LEF1: variants seen among roughly 807,000 people sequenced by gnomAD.
The protein encoded by LEF1 is lymphoid enhancer-binding factor 1.
Under a neutral mutation model 51.2 loss-of-function variants are expected in LEF1, and 14 were observed. The ratio of observed to expected loss-of-function variants is 0.27; its 90% CI spans 0.18 to 0.43. LEF1 has a LOEUF of 0.43. Among genes scored for constraint, LEF1 ranks in the 20% least tolerant of loss-of-function variants. LEF1 has a pLI of 1.00. For missense variants in LEF1, 386 were observed against 512.0 expected (o/e 0.75, Z 2.37); for synonymous variants, 185 against 183.2 (o/e 1.01, Z -0.08).
intron 3 of LEF1, among the ~76,000 whole-genome samples, chr4:108,138,176 T>C (rs1287099053): frequency 6.6e-6 from 1 of 152,214 alleles, no homozygotes; most frequent in African/African-American, 2.4e-5. Flanking sequence ...TGGTCAAATG[T>C]GGAATTTCGA....
In LEF1 at chr4:108,047,898, A is replaced by C. The variant is rs1285569624; in HGVS notation, c.*860T>G. The C allele has an allele frequency of 6.6e-6, 1 of 152,660 alleles. No homozygotes were observed. The highest frequency in any genetic ancestry group is 2.4e-5 in the African/African-American group (1 of 41,472). The allele number at this position is 152,660 out of a possible 1,614,324, so 9.5% of individuals were successfully genotyped here. ...TAAAAAAAGAAAAGAAGAAAACAGA[A>C]GAAAAAATAAACTGAAATAGGGCTG... On this transcript the variant is annotated 3_prime_UTR_variant, in exon 12 of 12. Coordinates refer to ENST00000265165, the MANE Select transcript of LEF1 (RefSeq NM_016269.5).
At chr4:108,089,099 G>A (rs1739837480) in intron 4 of LEF1, 26 bp downstream of exon 4, 4 of 1,611,334 alleles carry the variant, frequency 2.5e-6, no homozygotes, top group Non-Finnish European at 3.4e-6. Flanking sequence ...CAAAAAAAAA[G>A]GGCCTGGAAA....
chr4:108,086,114 A>G (rs554036480), intron 4 of LEF1, among the ~76,000 whole-genome samples: 8 of 152,260 alleles, frequency 5.3e-5, no homozygotes, highest in Non-Finnish European at 1.2e-4. Flanking sequence ...GTGAGCAGAA[A>G]GTGGATCTGA....
chr4:108,048,336 CCAGTTG>C lies in LEF1; in HGVS notation c.*416_*421del. The C allele has an allele frequency of 5.4e-6, 1 of 183,532 alleles. No individual in the cohort carries two copies. The highest frequency in any genetic ancestry group is 2.0e-4 in the South Asian group (1 of 5,110). The allele number at this position is 183,532 out of a possible 1,614,324, so 11.4% of individuals were successfully genotyped here. A position where few individuals can be genotyped will look rare whatever the true frequency, so the allele number is the denominator to read the frequency against. Reference sequence around the variant, plus strand: ...CTGATGGATGTGCTGGTTGCTGGCTCCAGTTGCGCATGACAGGCAAATGCAGCCAAG... The same window carrying C: ...CTGATGGATGTGCTGGTTGCTGGCTCCGCATGACAGGCAAATGCAGCCAAG... On this transcript the variant is annotated 3_prime_UTR_variant, in exon 12 of 12. Transcript: ENST00000265165.
intron 11 of LEF1, among the ~76,000 whole-genome samples, chr4:108,052,623 C>T (rs1333282786): frequency 6.6e-6 from 1 of 152,124 alleles, no homozygotes; most frequent in Non-Finnish European, 1.5e-5. Flanking sequence ...ACTTCTACAG[C>T]AGGAAGCAAG....
intron 3 of LEF1, among the ~76,000 whole-genome samples, chr4:108,153,056 C>T (rs933618014): frequency 2.6e-5 from 4 of 152,248 alleles, no homozygotes; most frequent in African/African-American, 9.6e-5. Flanking sequence ...TCCTCCCTAG[C>T]TTGGTCACTA....
intron 3 of LEF1, among the ~76,000 whole-genome samples, chr4:108,162,655 C>T (rs572915620): frequency 1.1e-4 from 16 of 152,156 alleles, no homozygotes; most frequent in African/African-American, 1.9e-4. Flanking sequence ...CCCTAATCCC[C>T]GAGACCCATA....
At chr4:108,085,067 C>A (rs1458449562) in intron 4 of LEF1, among the ~76,000 whole-genome samples, 1 of 152,116 alleles carries the variant, frequency 6.6e-6, no homozygotes, top group African/African-American at 2.4e-5. Flanking sequence ...CACAGACTAT[C>A]TGAATTATCT....
At chr4:108,049,559 G>T (rs138556226) in intron 11 of LEF1, among the ~76,000 whole-genome samples, 1 of 152,302 alleles carries the variant, frequency 6.6e-6, no homozygotes, top group Non-Finnish European at 1.5e-5. Context: ...TCACTCCAGA[G>T]AGCACCTGCT....
At chr4:108,067,226 G>T (rs1355751303) in intron 9 of LEF1, among the ~76,000 whole-genome samples, 1 of 152,166 alleles carries the variant, frequency 6.6e-6, no homozygotes. Flanking sequence ...TGTGCAGAGG[G>T]AAATCTTTAA....
intron 4 of LEF1, 105 bp downstream of exon 4, chr4:108,089,020 C>T (rs1739831174): frequency 1.6e-6 from 2 of 1,240,824 alleles, no homozygotes; most frequent in Admixed American, 1.9e-5. Context: ...CATTCTGATC[C>T]ACCCAGTGAC....
At chr4:108,141,933 C>CA (rs1743686317) in intron 3 of LEF1, among the ~76,000 whole-genome samples, 1 of 152,030 alleles carries the variant, frequency 6.6e-6, no homozygotes, top group East Asian at 1.9e-4. Context: ...TAAAGCAGCA[C>CA]AAAAGGCCCA....
At chr4:108,132,888 C>G (rs960428885) in intron 3 of LEF1, among the ~76,000 whole-genome samples, 50 of 151,928 alleles carry the variant, frequency 3.3e-4, no homozygotes, top group African/African-American at 1.2e-3. Flanking sequence ...CCAGGCTTGT[C>G]TCCAACCCCT....
At chr4:108,102,573 G>C (rs1024853089) in intron 3 of LEF1, among the ~76,000 whole-genome samples, 2 of 152,166 alleles carry the variant, frequency 1.3e-5, no homozygotes, top group African/African-American at 2.4e-5. Flanking sequence ...GAGGCACCTA[G>C]AGTCAGTTGC....
chr4:108,131,170 C>T (rs1376638447), intron 3 of LEF1, among the ~76,000 whole-genome samples: 2 of 152,054 alleles, frequency 1.3e-5, no homozygotes, highest in Non-Finnish European at 2.9e-5. Flanking sequence ...AGCAGTGGCT[C>T]ATGCCTGTAA....
intron 3 of LEF1, among the ~76,000 whole-genome samples, chr4:108,140,910 A>G (rs766010949): frequency 2.0e-5 from 3 of 152,260 alleles, no homozygotes; most frequent in Non-Finnish European, 2.9e-5. Context: ...AAGATGGTAC[A>G]ACTGACAAAA....
chr4:108,111,010 A>T lies in LEF1; in HGVS notation c.415-21753T>A, dbSNP rs554423592. On this transcript the variant is annotated intron_variant, in intron 3 of 11. Transcript: ENST00000265165. ...TAGTATATAGAAAGATGACCTAACAATTGGGTAAAATTGGATCAGTAATTT... is the reference window on the plus strand; with the variant it reads ...TAGTATATAGAAAGATGACCTAACATTTGGGTAAAATTGGATCAGTAATTT... Among the ~76,000 whole-genome samples, 35 of 152,332 alleles carry T rather than the reference A, an allele frequency of 2.3e-4. No individual in the cohort carries two copies. In the South Asian group the frequency reaches 7.2e-3, roughly 32 times the overall value.
At chr4:108,110,444 T>C (rs560453485) in intron 3 of LEF1, among the ~76,000 whole-genome samples, 5 of 152,292 alleles carry the variant, frequency 3.3e-5, no homozygotes, top group Admixed American at 6.5e-5. Flanking sequence ...AATAGGATGA[T>C]TGCAATTGTC....
At chr4:108,162,395 C>T (rs1170077508) in intron 3 of LEF1, among the ~76,000 whole-genome samples, 1 of 152,152 alleles carries the variant, frequency 6.6e-6, no homozygotes, top group Admixed American at 6.5e-5. Flanking sequence ...ATTTCAACAA[C>T]TGAAGATTAT....
Sources: gnomAD v4.1 joint callset for allele counts (sites outside exome capture counted in the v4.1 genomes callset) on GRCh38, gnomAD v4.1.1 for gene constraint, MANE v1.5 for transcripts, NCBI Gene and HGNC (gene_info 2026-07-23, HGNC 2026-07-21) for gene names.